Variants in ARFGAP1 observed in about 807,000 individuals in gnomAD.
ARFGAP1 encodes ADP-ribosylation factor GTPase-activating protein 1.
Under a neutral mutation model 54.0 loss-of-function variants are expected in ARFGAP1, and 26 were observed. That is an observed-to-expected ratio of 0.48 (90% CI 0.35 to 0.67). The LOEUF is 0.67. Ranked by LOEUF, ARFGAP1 falls within the 30% of genes least tolerant of loss-of-function variation. The pLI, the probability that ARFGAP1 is intolerant of heterozygous loss-of-function variation, is 0.00. For synonymous variants in ARFGAP1, 248 were observed against 211.9 expected (o/e 1.17, Z -1.48); for missense variants, 525 against 535.8 (o/e 0.98, Z 0.20).
rs143521520 is a variant in ARFGAP1, at chr20:63,278,941, G to A, written c.573G>A (p.Pro191=). The change falls in exon 7 of 13, where the codon CCG becomes CCA. Residue 191 remains proline, a synonymous_variant. Transcript: ENST00000370283. ...NRYVGFGNTP[P]PQKKEDDFLN... ...ACGTGGGGTTTGGGAACACGCCACC[G>A]CCTCAGAAGAAAGAAGATGACTTCC... 6.9e-4 allele frequency: 1,116 copies of A among 1,614,072 alleles called. 3 individuals carry two copies. In the African/African-American group the frequency reaches 0.012, roughly 18 times the overall value.
intron 12 of ARFGAP1, among the ~76,000 whole-genome samples, chr20:63,287,279 G>A (rs1294771652): frequency 6.6e-6 from 1 of 152,280 alleles, no homozygotes; most frequent in African/African-American, 2.4e-5. Context: ...CTAAACCACT[G>A]TTTTATTGCA....
rs1433984374 is a variant in ARFGAP1, at chr20:63,284,859, C to A, written c.718-7C>A. 1.7e-5 allele frequency: 28 copies of A among 1,612,572 alleles called. No individual in the cohort carries two copies. In the Admixed American group the frequency reaches 4.7e-4, roughly 27 times the overall value. ...TCGTGGGGCTCACGTGACTTCCCTT[C>A]CTACAGGCGTCCGAGCTGGGCCACA... On this transcript the variant is annotated splice_polypyrimidine_tract_variant and splice_region_variant and intron_variant, in intron 9 of 12. Transcript: ENST00000370283.
rs7273270 is a variant in ARFGAP1 at position 63,282,636 on chromosome 20, G to A, written c.685-183G>A. Among the ~76,000 whole-genome samples the A allele has an allele frequency of 7.2e-4, 109 of 152,316 alleles. 1 individual carries two copies. The highest frequency in any genetic ancestry group is 2.4e-3 in the African/African-American group (101 of 41,562). On this transcript the variant is annotated intron_variant, in intron 8 of 12. Transcript: ENST00000370283. Reference sequence around the variant, plus strand: ...TCCCTCTAGGGAGAGGCCAGCATTTGTGCTAATCCAGTCTCTGCTGCAGCT... The same window carrying A: ...TCCCTCTAGGGAGAGGCCAGCATTTATGCTAATCCAGTCTCTGCTGCAGCT...
In ARFGAP1 at chr20:63,287,578, A is replaced by G; in HGVS notation, c.926A>G (p.His309Arg). ...CTCTTTAAAAGCCCCTCGGAGGGCC[A>G]CAGTTATCAGAACAGCGGTCTGGAC... ...EGPLDSPSEG[H>R]SYQNSGLDHF... is the part of the protein sequence containing the mutation. Residue 309 changes from histidine to arginine, a missense_variant, in exon 13 of 13, where the codon CAC (histidine) becomes CGC (arginine). His to Arg is a conservative substitution (Grantham distance 29). Around this residue, in one of 3 missense-constraint regions of ARFGAP1, gnomAD observed 466 missense variants for 453.6 expected, o/e 1.03. Transcript: ENST00000370283. The G allele has an allele frequency of 6.3e-7, 1 of 1,591,238 alleles. No homozygotes were observed. The highest frequency in any genetic ancestry group is 1.3e-5 in the African/African-American group (1 of 74,128).
Position 63,276,480 on chromosome 20 carries a change from C to T in ARFGAP1, c.171C>T (p.Ser57=), listed in dbSNP as rs763050252. ...GRHRGLGVHL[S]FVRSVTMDKW... is the part of the protein sequence containing the mutation. Reference sequence around the variant, plus strand: ...ATCTGCTCGATCCTCTGCTTTCCAGCTTTGTGCGCTCTGTTACTATGGACA... The same window carrying T: ...ATCTGCTCGATCCTCTGCTTTCCAGTTTTGTGCGCTCTGTTACTATGGACA... Residue 57 remains serine, a splice_region_variant and synonymous_variant, in exon 4 of 13, where the codon AGC becomes AGT. Coordinates refer to ENST00000370283, the MANE Select transcript of ARFGAP1 (RefSeq NM_018209.4). This position sits in a 1 kb window ranked among gnomAD's most constrained non-coding sequence, Gnocchi z 5.2. The T allele has an allele frequency of 1.9e-6, 3 of 1,609,748 alleles. No individual in the cohort carries two copies. Among genetic ancestry groups the T allele is most frequent in the Admixed American group, 3.3e-5 (2 of 59,720 alleles).
In ARFGAP1 at chr20:63,286,188, C is replaced by T. The variant is rs886864400; in HGVS notation, c.835-178C>T. 5 of 1,549,638 alleles carry T rather than the reference C, an allele frequency of 3.2e-6. No homozygotes were observed. In the Admixed American group the frequency reaches 9.8e-5, roughly 30 times the overall value. ...TGCCATGTCCCGCACACACCTGGCA[C>T]CGCTGCAGAGTGGCCGGGGCGTCTG... On this transcript the variant is annotated intron_variant, in intron 11 of 12. Transcript: ENST00000370283.
intron 8 of ARFGAP1, among the ~76,000 whole-genome samples, chr20:63,281,606 T>A (rs2067382265): frequency 1.3e-5 from 2 of 152,156 alleles, no homozygotes; most frequent in African/African-American, 2.4e-5. Flanking sequence ...CCCGCCCTGA[T>A]GAAAGTGAGG....
chr20:63,288,242 C>T lies in ARFGAP1; in HGVS notation c.*369C>T, dbSNP rs186995446. On this transcript the variant is annotated 3_prime_UTR_variant, in exon 13 of 13. Coordinates refer to ENST00000370283, the MANE Select transcript of ARFGAP1 (RefSeq NM_018209.4). ...TATCTCTGGGGCCTGGGACCAGCCA[C>T]GTGCCGAGCTGTCAGCGACGTGAGG... 1.2e-4 allele frequency: 65 copies of T among 541,022 alleles called. No individual in the cohort carries two copies. The East Asian group carries it at 2.4e-3, about 20-fold the overall frequency. 33.5% of individuals were successfully genotyped at this position (541,022 alleles called of 1,614,324 possible). A position where few individuals can be genotyped will look rare whatever the true frequency, so the allele number is the denominator to read the frequency against.
rs374191388 is a variant in ARFGAP1 at position 63,284,815 on chromosome 20, G to T, written c.718-51G>T. The T allele has an allele frequency of 4.7e-5, 76 of 1,606,836 alleles. No homozygotes were observed. In the African/African-American group the frequency reaches 8.7e-4, roughly 18 times the overall value. On this transcript the variant is annotated intron_variant, in intron 9 of 12. Coordinates refer to ENST00000370283, the MANE Select transcript of ARFGAP1 (RefSeq NM_018209.4). ...TGGCCTGTGCTGCCACTGCCGACCC[G>T]TGTCCCGTGGTGGAGCTGTCGTGGG... is the stretch of plus-strand genomic sequence containing the variant.
intron 7 of ARFGAP1, among the ~76,000 whole-genome samples, chr20:63,280,802 G>A (rs2067360498): frequency 6.6e-6 from 1 of 152,240 alleles, no homozygotes; most frequent in Non-Finnish European, 1.5e-5. Flanking sequence ...ACTTCCTTTA[G>A]GAGGAAGAGG....
intron 11 of ARFGAP1, 122 bp downstream of exon 11, chr20:63,285,835 C>T: frequency 6.7e-7 from 1 of 1,489,798 alleles, no homozygotes; most frequent in East Asian, 2.3e-5. Flanking sequence ...GGCCGCTGTC[C>T]TCTGAGACGG....
In ARFGAP1 at chr20:63,282,861, G is replaced by A. The variant is rs1260361402; in HGVS notation, c.717+10G>A. On this transcript the variant is annotated intron_variant, in intron 9 of 12. Coordinates refer to ENST00000370283, the MANE Select transcript of ARFGAP1 (RefSeq NM_018209.4). Reference sequence around the variant, plus strand: ...CCAAGCGAGTCAGAAGGTAACAGAGGAGAAGCTTCTGCACCCTGGTGCATC... The same window carrying A: ...CCAAGCGAGTCAGAAGGTAACAGAGAAGAAGCTTCTGCACCCTGGTGCATC... 3 of 1,614,008 alleles carry A rather than the reference G, an allele frequency of 1.9e-6. No homozygotes were observed. Among genetic ancestry groups the A allele is most frequent in the Admixed American group, 1.7e-5 (1 of 60,036 alleles).
At position 63,288,618 on chromosome 20, in the gene ARFGAP1, C is replaced by A. The variant is rs1012106654; in HGVS notation, c.*745C>A. On this transcript the variant is annotated 3_prime_UTR_variant, in exon 13 of 13. Transcript: ENST00000370283. Reference sequence around the variant, plus strand: ...GAAAAAGGAGCGCAGGGTGGGCCCTCGGCCCTGATGCAGGAGGGTGCGATA... The same window carrying A: ...GAAAAAGGAGCGCAGGGTGGGCCCTAGGCCCTGATGCAGGAGGGTGCGATA... 2.3e-6 allele frequency: 1 copy of A among 429,732 alleles called. No homozygotes were observed. Among genetic ancestry groups the A allele is most frequent in the Non-Finnish European group, 4.7e-6 (1 of 211,192 alleles). 26.6% of individuals were successfully genotyped at this position (429,732 alleles called of 1,614,324 possible).
chr20:63,283,899 C>T (rs754867683), intron 9 of ARFGAP1: 7 of 1,613,066 alleles, frequency 4.3e-6, no homozygotes, highest in African/African-American at 1.3e-5. Flanking sequence ...CGTGTCTGCT[C>T]GTGCATGCCG....
Position 63,276,782 on chromosome 20 carries a change from C to T in ARFGAP1, c.342+131C>T. On this transcript the variant is annotated intron_variant, in intron 4 of 12. Coordinates refer to ENST00000370283, the MANE Select transcript of ARFGAP1 (RefSeq NM_018209.4). The surrounding 1 kb of genome is among the most constrained non-coding windows in gnomAD (Gnocchi z 5.2). ...GTTCTGACACACCCACTGGGCCACACACAACTTGCCGCCCTGGAGCAGAGG... is the reference window on the plus strand; with the variant it reads ...GTTCTGACACACCCACTGGGCCACATACAACTTGCCGCCCTGGAGCAGAGG... 1.8e-6 allele frequency: 2 copies of T among 1,097,000 alleles called. No homozygotes were observed. The highest frequency in any genetic ancestry group is 2.5e-6 in the Non-Finnish European group (2 of 788,354). The allele number at this position is 1,097,000 out of a possible 1,614,324, so 68.0% of individuals were successfully genotyped here.
chr20:63,279,083 G>A (rs1318568670), intron 7 of ARFGAP1, 88 bp downstream of exon 7: 3 of 1,297,044 alleles, frequency 2.3e-6, no homozygotes, highest in Non-Finnish European at 2.2e-6. Flanking sequence ...TGGCAGTCCT[G>A]GAACATGTGC....
In ARFGAP1 at chr20:63,284,423, G is replaced by A. The variant is rs1051029821; in HGVS notation, c.718-443G>A. On this transcript the variant is annotated intron_variant, in intron 9 of 12. Transcript: ENST00000370283. ...CAGGAGAGGCTGAGCTCCTTTCTCAGCAGCTTCTTCCTATGGCCCCAGCCT... is the reference window on the plus strand; with the variant it reads ...CAGGAGAGGCTGAGCTCCTTTCTCAACAGCTTCTTCCTATGGCCCCAGCCT... 3 of 1,078,204 alleles carry A rather than the reference G, an allele frequency of 2.8e-6. No homozygotes were observed. In the African/African-American group the frequency reaches 4.9e-5, roughly 18 times the overall value. The allele number at this position is 1,078,204 out of a possible 1,614,324, so 66.8% of individuals were successfully genotyped here. A position where few individuals can be genotyped will look rare whatever the true frequency, so the allele number is the denominator to read the frequency against.
intron 12 of ARFGAP1, 100 bp downstream of exon 12, chr20:63,286,542 G>T: frequency 8.2e-7 from 1 of 1,224,056 alleles, no homozygotes; most frequent in South Asian, 1.4e-5. Context: ...TGCTGGGGAG[G>T]GAAGGGGCAC....
intron 8 of ARFGAP1, among the ~76,000 whole-genome samples, chr20:63,281,657 A>C (rs971861989): frequency 6.6e-6 from 1 of 152,130 alleles, no homozygotes; most frequent in Non-Finnish European, 1.5e-5. Flanking sequence ...CACCCTATCC[A>C]AGCAGGGCAG....
Sources: gnomAD v4.1 joint callset for allele counts (sites outside exome capture counted in the v4.1 genomes callset) on GRCh38, gnomAD v4.1.1 for gene constraint, gnomAD v4.1.1 regional missense constraint, Gnocchi (gnomAD v3.1) non-coding constraint, MANE v1.5 for transcripts, NCBI Gene and HGNC (gene_info 2026-07-23, HGNC 2026-07-21) for gene names.